SPATA9: variants seen among roughly 807,000 people sequenced by gnomAD.
The protein encoded by SPATA9 is spermatogenesis associated 9.
In SPATA9, 27 loss-of-function variants were observed where a neutral mutation model predicts 25.5. The ratio of observed to expected loss-of-function variants is 1.06; its 90% CI spans 0.78 to 1.46. SPATA9 has a LOEUF of 1.46. Among genes scored for constraint, SPATA9 ranks in the 40% most tolerant of loss-of-function variants. The probability of loss-of-function intolerance (pLI) is 0.00; values close to 1 mark genes in which losing one functional copy is unlikely to be tolerated. For missense variants in SPATA9, 282 were observed against 297.5 expected (o/e 0.95, Z 0.38); for synonymous variants, 102 against 105.7 (o/e 0.97, Z 0.21).
At chr5:95,656,399 T>C, downstream of SPATA9, 1 of 1,010,244 alleles carries the variant, frequency 9.9e-7, no homozygotes, top group Non-Finnish European at 1.5e-6. Context: ...ATGAAATTTT[T>C]CAACATAGGC....
chr5:95,684,831 T>C (rs981841969), upstream of SPATA9: 1 of 152,242 alleles, frequency 6.6e-6, no homozygotes, highest in Non-Finnish European at 1.5e-5. Context: ...TTAGAGTTCA[T>C]AATAGAGTAC....
intron 3 of SPATA9, among the ~76,000 whole-genome samples, chr5:95,672,709 T>C (rs1437995037): frequency 1.3e-5 from 2 of 152,222 alleles, no homozygotes; most frequent in Non-Finnish European, 2.9e-5. Flanking sequence ...GTTCCTGGAA[T>C]AAGTTATCAC....
chr5:95,720,950 T>C, the SPATA9 span, among the ~76,000 whole-genome samples: 40 of 152,356 alleles, frequency 2.6e-4, no homozygotes, highest in Non-Finnish European at 4.7e-4. Flanking sequence ...TAGAATTTAA[T>C]GGGTTCTTCT....
At chr5:95,672,618 A>G (rs1016488462) in intron 3 of SPATA9, among the ~76,000 whole-genome samples, 1 of 152,216 alleles carries the variant, frequency 6.6e-6, no homozygotes, top group Non-Finnish European at 1.5e-5. Context: ...CATGGATTTT[A>G]AATTAATGTC....
intron 1 of SPATA9, among the ~76,000 whole-genome samples, chr5:95,696,510 T>C (rs923559017): frequency 6.6e-6 from 1 of 152,186 alleles, no homozygotes. Flanking sequence ...GATATGTAAT[T>C]GTAAAAGAAA....
intron 3 of SPATA9, among the ~76,000 whole-genome samples, chr5:95,667,604 T>C (rs2112589506): frequency 6.6e-6 from 1 of 152,228 alleles, no homozygotes; most frequent in East Asian, 1.9e-4. Context: ...GCAGACTCTC[T>C]AGGAGGAAGA....
At chr5:95,721,693 T>TAAAAAAAAAAAA in the SPATA9 span, among the ~76,000 whole-genome samples, 1 of 132,204 alleles carries the variant, frequency 7.6e-6, no homozygotes. Context: ...CTGAGAGCAT[T>TAAAAAAAAAAAA]AAAAAAAAAA....
the SPATA9 span, among the ~76,000 whole-genome samples, chr5:95,722,678 C>A: frequency 1.3e-5 from 2 of 152,184 alleles, no homozygotes; most frequent in African/African-American, 2.4e-5. Context: ...TTAGTAGAGG[C>A]AGGGTTTCAC....
At chr5:95,683,869 T>C (rs1753645516), upstream of SPATA9, among the ~76,000 whole-genome samples, 1 of 152,158 alleles carries the variant, frequency 6.6e-6, no homozygotes, top group Non-Finnish European at 1.5e-5. Context: ...GTGAATGAAA[T>C]AGTTGGTTAA....
chr5:95,727,791 T>C, the SPATA9 span, among the ~76,000 whole-genome samples: 1 of 152,234 alleles, frequency 6.6e-6, no homozygotes, highest in Non-Finnish European at 1.5e-5. Flanking sequence ...ATCTGTGATA[T>C]TCTTTTAGCC....
At chr5:95,684,531 AC>A (rs2112696585), upstream of SPATA9, 1 of 152,376 alleles carries the variant, frequency 6.6e-6, no homozygotes, top group African/African-American at 2.4e-5. Context: ...TGTTTACTGC[AC>A]TTAAAGCATA....
chr5:95,730,925 G>A, the SPATA9 span: 75 of 458,454 alleles, frequency 1.6e-4, no homozygotes, highest in South Asian at 9.3e-4. Flanking sequence ...AGGCCAAGAG[G>A]GGGGGAAATC....
At chr5:95,692,202 G>T (rs1396482444) in intron 1 of SPATA9, among the ~76,000 whole-genome samples, 1 of 151,924 alleles carries the variant, frequency 6.6e-6, no homozygotes. Context: ...TTTCAGTGGT[G>T]CCTGAAATAA....
the SPATA9 span, among the ~76,000 whole-genome samples, chr5:95,710,866 T>C: frequency 6.6e-6 from 1 of 152,178 alleles, no homozygotes; most frequent in East Asian, 1.9e-4. Flanking sequence ...TCAAAAACCT[T>C]TTGGGCTATT....
chr5:95,724,609 G>C, the SPATA9 span, among the ~76,000 whole-genome samples: 1 of 152,262 alleles, frequency 6.6e-6, no homozygotes, highest in Admixed American at 6.5e-5. Context: ...GGGATTACAA[G>C]CTCCCACCAC....
At chr5:95,719,613 A>T in the SPATA9 span, 1 of 152,248 alleles carries the variant, frequency 6.6e-6, no homozygotes, top group Non-Finnish European at 1.5e-5. Flanking sequence ...AGTAAAAAAC[A>T]TATATACATT....
chr5:95,719,782 C>T, the SPATA9 span: 18 of 152,284 alleles, frequency 1.2e-4, 1 homozygote, highest in Admixed American at 8.5e-4. Flanking sequence ...ACCTGCCAAT[C>T]AGAAGAGAAA....
intron 4 of SPATA9, among the ~76,000 whole-genome samples, chr5:95,661,356 C>G (rs1751246450): frequency 6.6e-6 from 1 of 152,090 alleles, no homozygotes; most frequent in Non-Finnish European, 1.5e-5. Context: ...ACATTAACAT[C>G]TAACATATAT....
chr5:95,668,398 T>C (rs920187099), intron 3 of SPATA9, among the ~76,000 whole-genome samples: 1 of 152,240 alleles, frequency 6.6e-6, no homozygotes, highest in Non-Finnish European at 1.5e-5. Flanking sequence ...TCCTGGCAAG[T>C]AGCCATTTTT....
Sources: allele counts gnomAD v4.1 joint callset (sites outside exome capture counted in the v4.1 genomes callset), GRCh38; gene constraint gnomAD v4.1.1; transcripts MANE v1.5; gene names NCBI Gene and HGNC (gene_info 2026-07-23, HGNC 2026-07-21).